PUM2: variants seen among roughly 807,000 people sequenced by gnomAD.
The protein encoded by PUM2 is pumilio homolog 2.
In PUM2, 57 loss-of-function variants were observed where a neutral mutation model predicts 124.5. The ratio of observed to expected loss-of-function variants is 0.46; its 90% CI spans 0.37 to 0.57. The LOEUF (loss-of-function observed/expected upper bound fraction) is 0.57, where lower values mean the gene tolerates loss of function less well. Among genes scored for constraint, PUM2 ranks in the 20% least tolerant of loss-of-function variants. PUM2 has a pLI of 0.00. For synonymous variants in PUM2, 460 were observed against 446.1 expected (o/e 1.03, Z -0.39); for missense variants, 1,065 against 1,290.6 (o/e 0.83, Z 2.68).
At chr2:20,306,662 G>A (rs1444933766) in intron 7 of PUM2, among the ~76,000 whole-genome samples, 2 of 148,266 alleles carry the variant, frequency 1.3e-5, no homozygotes, top group South Asian at 4.3e-4. Flanking sequence ...AGGCTGGAGT[G>A]CAGTGGTGCA....
intron 13 of PUM2, among the ~76,000 whole-genome samples, chr2:20,269,189 TTAA>T (rs534926011): frequency 6.6e-5 from 10 of 151,824 alleles, no homozygotes; most frequent in East Asian, 5.8e-4. Context: ...GAATAAAATT[TTAA>T]TAATAATAAT....
intron 12 of PUM2, 57 bp from the exon 13 acceptor site, chr2:20,278,876 A>G: frequency 7.8e-7 from 1 of 1,287,938 alleles, no homozygotes; most frequent in Non-Finnish European, 1.1e-6. Flanking sequence ...AATAAAATCT[A>G]TCCCCAACTC....
At chr2:20,318,487 A>C in intron 3 of PUM2, 50 bp downstream of exon 3, 1 of 1,506,094 alleles carries the variant, frequency 6.6e-7, no homozygotes, top group South Asian at 1.2e-5. Flanking sequence ...ATTATGACTT[A>C]TAAAATGCTA....
At chr2:20,260,297 A>G (rs950119585) in intron 15 of PUM2, 40 bp downstream of exon 15, 1 of 1,567,940 alleles carries the variant, frequency 6.4e-7, no homozygotes. Context: ...AGTATACAAC[A>G]GCTGGATGGG....
chr2:20,318,235 T>TA lies in PUM2; in HGVS notation c.160+301dup, dbSNP rs925512573. ...ATAGCCACAGAATTTTACAATCAAT[T>TA]AAAAAAAAACCCTTGATAAAATCTT... On this transcript the variant is annotated intron_variant, in intron 3 of 20. Coordinates refer to ENST00000361078, the MANE Select transcript of PUM2 (RefSeq NM_015317.5). 2.2e-4 allele frequency among the ~76,000 whole-genome samples: 34 copies of TA among 151,312 alleles called. 1 individual carries two copies. In the South Asian group the frequency reaches 5.0e-3, roughly 22 times the overall value.
intron 1 of PUM2, among the ~76,000 whole-genome samples, chr2:20,329,413 T>C (rs913167308): frequency 1.6e-4 from 17 of 103,960 alleles, no homozygotes; most frequent in African/African-American, 5.0e-4. Flanking sequence ...GCCTGGGTAA[T>C]AGAACGAGAG....
chr2:20,325,707 C>T (rs994061852), intron 2 of PUM2, among the ~76,000 whole-genome samples: 1 of 151,762 alleles, frequency 6.6e-6, no homozygotes, highest in Non-Finnish European at 1.5e-5. Flanking sequence ...CTGCAAGCTC[C>T]GCCTCCCGGG....
chr2:20,281,004 A>AT (rs1671383305), intron 12 of PUM2, among the ~76,000 whole-genome samples: 1 of 152,168 alleles, frequency 6.6e-6, no homozygotes, highest in South Asian at 2.1e-4. Context: ...TGTTACTTGT[A>AT]TATGTGTATA....
chr2:20,308,628 G>A (rs758246679), intron 5 of PUM2, 44 bp from the exon 6 acceptor site: 2 of 1,509,820 alleles, frequency 1.3e-6, no homozygotes, highest in Non-Finnish European at 1.8e-6. Flanking sequence ...AAAGTAACAA[G>A]TCAAATAGCG....
upstream of PUM2, among the ~76,000 whole-genome samples, chr2:20,351,792 A>AAT (rs1439946184): frequency 1.3e-5 from 2 of 152,182 alleles, no homozygotes; most frequent in Non-Finnish European, 2.9e-5. Context: ...TAGTTTGCTT[A>AAT]ATATATGTCT....
intron 12 of PUM2, 28 bp downstream of exon 12, chr2:20,282,919 A>G (rs1671858691): frequency 1.5e-5 from 24 of 1,603,762 alleles, no homozygotes; most frequent in Non-Finnish European, 2.0e-5. Flanking sequence ...CACTTAGCAG[A>G]GTACACTCAT....
intron 14 of PUM2, 112 bp downstream of exon 14, chr2:20,263,081 G>T: frequency 3.1e-6 from 3 of 965,210 alleles, no homozygotes; most frequent in Non-Finnish European, 4.5e-6. Flanking sequence ...TTGAATTTTA[G>T]CTCTTAAAAG....
At chr2:20,300,115 A>AC (rs1676604214) in intron 7 of PUM2, among the ~76,000 whole-genome samples, 1 of 151,944 alleles carries the variant, frequency 6.6e-6, no homozygotes, top group Admixed American at 6.5e-5. Flanking sequence ...TCCAACCCCT[A>AC]CTTCCCATCA....
chr2:20,259,571 G>GT (rs1294382951), intron 15 of PUM2, among the ~76,000 whole-genome samples: 8 of 152,286 alleles, frequency 5.3e-5, no homozygotes, highest in African/African-American at 1.9e-4. Context: ...ACTTAAGTTA[G>GT]TATTTTCAAG....
At chr2:20,289,103 A>T (rs1673402908) in intron 10 of PUM2, among the ~76,000 whole-genome samples, 1 of 152,104 alleles carries the variant, frequency 6.6e-6, no homozygotes, top group South Asian at 2.1e-4. Context: ...CCAGCCGGCC[A>T]ATATGGTGAA....
chr2:20,329,566 C>T (rs1684461933), intron 1 of PUM2, among the ~76,000 whole-genome samples: 3 of 151,866 alleles, frequency 2.0e-5, no homozygotes, highest in Non-Finnish European at 4.4e-5. Flanking sequence ...ATTAGAGAAA[C>T]GTTACAGACT....
chr2:20,271,848 C>T (rs545907067), intron 13 of PUM2, among the ~76,000 whole-genome samples: 4 of 152,130 alleles, frequency 2.6e-5, no homozygotes, highest in South Asian at 2.1e-4. Flanking sequence ...TTAATTTATT[C>T]GGATAGGTAT....
intron 1 of PUM2, among the ~76,000 whole-genome samples, chr2:20,347,091 A>G (rs1373658246): frequency 6.6e-6 from 1 of 152,126 alleles, no homozygotes; most frequent in African/African-American, 2.4e-5. Context: ...TTATTCCTCC[A>G]CAAGAGAACA....
upstream of PUM2, chr2:20,352,183 T>A (rs1053043951): frequency 3.3e-5 from 5 of 152,276 alleles, no homozygotes; most frequent in Non-Finnish European, 7.3e-5. Context: ...CGCAGATTTT[T>A]ACTTCCCAAG....
Sources: gnomAD v4.1 joint callset for allele counts (sites outside exome capture counted in the v4.1 genomes callset) on GRCh38, gnomAD v4.1.1 for gene constraint, MANE v1.5 for transcripts, NCBI Gene and HGNC (gene_info 2026-07-23, HGNC 2026-07-21) for gene names.